The following GRAMD2A variants were observed in gnomAD, a reference collection of about 807,000 sequenced individuals.
GRAMD2A encodes the protein GRAM domain-containing protein 2A.
A neutral mutation model predicts 51.1 loss-of-function variants in GRAMD2A; 37 were observed. The ratio of observed to expected loss-of-function variants is 0.72; its 90% CI spans 0.56 to 0.95. The LOEUF is 0.95. Ranked by LOEUF, GRAMD2A falls within the 40% of genes least tolerant of loss-of-function variation. The probability of loss-of-function intolerance (pLI) is 0.00; values close to 1 mark genes in which losing one functional copy is unlikely to be tolerated. For missense variants in GRAMD2A, 414 were observed against 426.9 expected (o/e 0.97, Z 0.27); for synonymous variants, 136 against 157.1 (o/e 0.87, Z 1.01).
At chr15:72,184,114 G>A (rs2081718068) in intron 1 of GRAMD2A, among the ~76,000 whole-genome samples, 1 of 152,256 alleles carries the variant, frequency 6.6e-6, no homozygotes. Flanking sequence ...TTCCCCGAGG[G>A]GGTTGTTTGC....
chr15:72,162,222 C>T (rs751258328), intron 11 of GRAMD2A, 51 bp downstream of exon 11: 2 of 1,463,854 alleles, frequency 1.4e-6, no homozygotes, highest in Non-Finnish European at 1.9e-6. Context: ...GTTCTTGGCT[C>T]CTGTCCTCAA....
chr15:72,197,441 C>T (rs905273089), intron 1 of GRAMD2A, among the ~76,000 whole-genome samples: 3 of 152,182 alleles, frequency 2.0e-5, no homozygotes. Context: ...AGGAGGGTGC[C>T]CTTCCTTGCC....
At chr15:72,182,546 G>A (rs1325005190) in intron 1 of GRAMD2A, among the ~76,000 whole-genome samples, 2 of 152,104 alleles carry the variant, frequency 1.3e-5, no homozygotes, top group Non-Finnish European at 2.9e-5. Context: ...TGTTTATGCT[G>A]TTAATATCAT....
intron 11 of GRAMD2A, 43 bp from the exon 12 acceptor site, chr15:72,162,055 A>G: frequency 1.2e-6 from 2 of 1,613,410 alleles, no homozygotes; most frequent in East Asian, 4.5e-5. Context: ...AGGGCCCAGA[A>G]TGCAGACGGA....
chr15:72,165,245 GA>G, intron 8 of GRAMD2A, 108 bp downstream of exon 8: 1 of 960,098 alleles, frequency 1.0e-6, no homozygotes, highest in Non-Finnish European at 1.6e-6. Flanking sequence ...ACTGACTCTT[GA>G]GCCTGGTGCC....
intron 1 of GRAMD2A, among the ~76,000 whole-genome samples, chr15:72,177,974 C>G (rs888544100): frequency 6.6e-6 from 1 of 152,182 alleles, no homozygotes; most frequent in Non-Finnish European, 1.5e-5. Flanking sequence ...GTGATCCACC[C>G]GCCTCGGCCT....
rs928941994 is a variant in GRAMD2A, at chr15:72,170,964, A to G, written c.42-1025T>C. Among the ~76,000 whole-genome samples the G allele has an allele frequency of 1.2e-4, 19 of 152,196 alleles. No individual in the cohort carries two copies. Among genetic ancestry groups the G allele is most frequent in the African/African-American group, 4.6e-4 (19 of 41,440 alleles). On this transcript the variant is annotated intron_variant, in intron 1 of 11. Transcript: ENST00000309731. This position sits in a 1 kb window ranked among gnomAD's most constrained non-coding sequence, Gnocchi z 4.5. ...AAGAACAGAGTTTTCGCCTCAGCCCAAGATCTGCCAGGACCCTCAGAGATT... is the reference window on the plus strand; with the variant it reads ...AAGAACAGAGTTTTCGCCTCAGCCCGAGATCTGCCAGGACCCTCAGAGATT...
At chr15:72,169,782 T>A in intron 2 of GRAMD2A, 65 bp downstream of exon 2, 1 of 1,330,394 alleles carries the variant, frequency 7.5e-7, no homozygotes, top group Non-Finnish European at 1.1e-6. Flanking sequence ...TACAAACAGG[T>A]CACTTCCTGA....
In GRAMD2A at chr15:72,169,353, G is replaced by A. The variant is rs1434042146; in HGVS notation, c.135-357C>T. 4 of 456,550 alleles carry A rather than the reference G, an allele frequency of 8.8e-6. No homozygotes were observed. The East Asian group carries it at 2.0e-4, about 23-fold the overall frequency. The allele number at this position is 456,550 out of a possible 1,614,324, so 28.3% of individuals were successfully genotyped here. A position where few individuals can be genotyped will look rare whatever the true frequency, so the allele number is the denominator to read the frequency against. Reference sequence around the variant, plus strand: ...TTTCTCTGGCCAAGGGGTAAGCAGGGGAGCAGGCAGTGCTGGAATAGGGAC... The same window carrying A: ...TTTCTCTGGCCAAGGGGTAAGCAGGAGAGCAGGCAGTGCTGGAATAGGGAC... On this transcript the variant is annotated intron_variant, in intron 2 of 11. Coordinates refer to ENST00000309731, the MANE Select transcript of GRAMD2A (RefSeq NM_001012642.3).
chr15:72,162,874 G>A, intron 10 of GRAMD2A: 1 of 224,504 alleles, frequency 4.5e-6, no homozygotes, highest in Non-Finnish European at 8.8e-6. Flanking sequence ...TGCTCTACTG[G>A]TCCTTAGACA....
chr15:72,185,575 T>C (rs765943755), intron 1 of GRAMD2A, among the ~76,000 whole-genome samples: 68 of 152,352 alleles, frequency 4.5e-4, no homozygotes, highest in Non-Finnish European at 6.8e-4. Flanking sequence ...TGTGCACACA[T>C]GTGAAAGAGA....
At chr15:72,180,245 C>T (rs559346775) in intron 1 of GRAMD2A, among the ~76,000 whole-genome samples, 1 of 152,244 alleles carries the variant, frequency 6.6e-6, no homozygotes, top group South Asian at 2.1e-4. Flanking sequence ...AGTGCCCTGC[C>T]GGCTGCTGGC....
chr15:72,178,655 C>A (rs1484217990), intron 1 of GRAMD2A, among the ~76,000 whole-genome samples: 1 of 148,544 alleles, frequency 6.7e-6, no homozygotes, highest in African/African-American at 2.5e-5. Flanking sequence ...GGCTCACTGC[C>A]AGCTCTGCCT....
chr15:72,178,893 G>A (rs1409622460), intron 1 of GRAMD2A, among the ~76,000 whole-genome samples: 1 of 152,122 alleles, frequency 6.6e-6, no homozygotes, highest in African/African-American at 2.4e-5. Context: ...TTTCATAGAA[G>A]CTGTACCTCC....
At position 72,170,433 on chromosome 15, in the gene GRAMD2A, G is replaced by A. The variant is rs2081599109; in HGVS notation, c.42-494C>T. On this transcript the variant is annotated intron_variant, in intron 1 of 11. Coordinates refer to ENST00000309731, the MANE Select transcript of GRAMD2A (RefSeq NM_001012642.3). This position sits in a 1 kb window ranked among gnomAD's most constrained non-coding sequence, Gnocchi z 4.5. Reference sequence around the variant, plus strand: ...CAGGAGCTGATGCGCTGAAGGTGTGGGAGGTGGACGCCCATCAGCCTACAG... The same window carrying A: ...CAGGAGCTGATGCGCTGAAGGTGTGAGAGGTGGACGCCCATCAGCCTACAG... 2.2e-6 allele frequency: 1 copy of A among 456,040 alleles called. No homozygotes were observed. Among genetic ancestry groups the A allele is most frequent in the Non-Finnish European group, 4.4e-6 (1 of 226,878 alleles). 28.2% of individuals were successfully genotyped at this position (456,040 alleles called of 1,614,324 possible).
chr15:72,168,206 C>A (rs923718077), intron 4 of GRAMD2A, among the ~76,000 whole-genome samples: 36 of 152,250 alleles, frequency 2.4e-4, no homozygotes, highest in Admixed American at 2.0e-4. Flanking sequence ...AATGCCCCCA[C>A]CTGCTCAGTG....
chr15:72,194,390 G>C (rs1242695851), intron 1 of GRAMD2A, among the ~76,000 whole-genome samples: 1 of 152,190 alleles, frequency 6.6e-6, no homozygotes, highest in South Asian at 2.1e-4. Flanking sequence ...ATTTTGGGGG[G>C]ACGGGGAATA....
chr15:72,191,080 C>G (rs571642633), intron 1 of GRAMD2A, among the ~76,000 whole-genome samples: 1 of 152,294 alleles, frequency 6.6e-6, no homozygotes, highest in South Asian at 2.1e-4. Context: ...CATTGGCCAC[C>G]TTTGGTGGCT....
At chr15:72,167,615 G>T in intron 5 of GRAMD2A, 121 bp downstream of exon 5, 2 of 782,592 alleles carry the variant, frequency 2.6e-6, no homozygotes, top group Non-Finnish European at 2.2e-6. Flanking sequence ...CATCCAACCA[G>T]CAAGGGGCTT....
Sources: allele counts gnomAD v4.1 joint callset (sites outside exome capture counted in the v4.1 genomes callset), GRCh38; gene constraint gnomAD v4.1.1; non-coding constraint Gnocchi (gnomAD v3.1); transcripts MANE v1.5; gene names NCBI Gene and HGNC (gene_info 2026-07-23, HGNC 2026-07-21).